The following VWF variants were observed in gnomAD, a reference collection of about 807,000 sequenced individuals.
The protein encoded by VWF is von Willebrand factor.
In VWF, 176 loss-of-function variants were observed where a neutral mutation model predicts 308.6. The ratio of observed to expected loss-of-function variants is 0.57; its 90% CI spans 0.50 to 0.65. VWF has a LOEUF of 0.65. Among genes scored for constraint, VWF ranks in the 30% least tolerant of loss-of-function variants. VWF has a pLI of 0.00. For synonymous variants in VWF, 1,385 were observed against 1,443.4 expected (o/e 0.96, Z 0.92); for missense variants, 3,146 against 3,648.2 (o/e 0.86, Z 3.55).
intron 43 of VWF, among the ~76,000 whole-genome samples, chr12:5,975,123 G>A (rs532788204): frequency 6.6e-6 from 1 of 152,312 alleles, no homozygotes; most frequent in South Asian, 2.1e-4. Flanking sequence ...CAAAGGTACT[G>A]AGCACCTCCG....
rs1009808532 is a variant in VWF, at chr12:6,018,926, C to T, written c.4492G>A (p.Asp1498Asn). 1.2e-5 allele frequency: 19 copies of T among 1,613,844 alleles called. No individual in the cohort carries two copies. The highest frequency in any genetic ancestry group is 1.5e-5 in the Non-Finnish European group (18 of 1,179,860). The change falls in exon 28 of 52, where the codon GAT (aspartate) becomes AAT (asparagine). Residue 1498 changes from aspartate (D) to asparagine (N), a missense_variant. This residue lies in a region of VWF where 853 missense variants were observed against 1,177.8 expected (regional missense o/e 0.72). Coordinates refer to ENST00000261405, the MANE Select transcript of VWF (RefSeq NM_000552.5). ...LGPKRNSMVL[D>N]VAFVLEGSDK... ...GATCCTTCCAGGACGAACGCCACAT[C>T]CAGAACCATGGAGTTCCTCTTGGGC...
At chr12:6,114,909 T>A (rs1945346540) in intron 3 of VWF, among the ~76,000 whole-genome samples, 1 of 151,528 alleles carries the variant, frequency 6.6e-6, no homozygotes, top group East Asian at 1.9e-4. Context: ...GGGGCAGGAG[T>A]GGGGCTGCAT....
intron 12 of VWF, among the ~76,000 whole-genome samples, 159 bp downstream of exon 12, chr12:6,064,087 A>T (rs1944685450): frequency 6.6e-6 from 1 of 152,184 alleles, no homozygotes; most frequent in African/African-American, 2.4e-5. Flanking sequence ...GGAGGGATGC[A>T]TGCCAAGCAC....
At chr12:5,985,705 C>A in intron 38 of VWF, 40 bp from the exon 39 acceptor site, 1 of 1,588,972 alleles carries the variant, frequency 6.3e-7, no homozygotes, top group Non-Finnish European at 8.6e-7. Context: ...ACAGGACATT[C>A]TAGGTACGAA....
In VWF at chr12:5,981,922, C is replaced by T. The variant is rs150201871; in HGVS notation, c.7151G>A (p.Arg2384Gln). ...ATACTCATCACAGCACTGGGTCTTC[C>T]GAAGGGTGGGCAAACGGTGCGGGGG... ...SCPPHRLPTL[R>Q]KTQCCDEYEC... The change falls in exon 42 of 52, where the codon CGG becomes CAG. Residue 2384 changes from arginine (R) to glutamine (Q), a missense_variant. Transcript: ENST00000261405. 4.3e-5 allele frequency: 69 copies of T among 1,608,938 alleles called. No individual in the cohort carries two copies. Among genetic ancestry groups the T allele is most frequent in the African/African-American group, 3.8e-4 (28 of 73,724 alleles).
chr12:5,998,482 AAAAAAAAAAAAAAAAAATATATATATAT>A (rs1156554694), intron 34 of VWF, among the ~76,000 whole-genome samples: 4 of 58,194 alleles, frequency 6.9e-5, no homozygotes, highest in African/African-American at 3.2e-4. Flanking sequence ...AAAAAAAAAA[AAAAAAAAAAAAAAAAAATATATATATAT>A]ATATATATAT....
rs1261422170 is a variant in VWF, at chr12:6,064,328, G to T, written c.1350C>A (p.Gly450=). 5 of 1,614,158 alleles carry T rather than the reference G, an allele frequency of 3.1e-6. No individual in the cohort carries two copies. Among genetic ancestry groups the T allele is most frequent in the South Asian group, 1.1e-5 (1 of 91,084 alleles). ...TCAGTTTCACAAGGCTGTTGTGCAG[G>T]CCAGGCAGCCGGACGGTGACGGAGC... ...CTRSVTVRLP[G]LHNSLVKLKH... is the part of the protein sequence containing the mutation. Residue 450 remains glycine (G), a synonymous_variant, in exon 12 of 52, where the codon GGC becomes GGA. Coordinates refer to ENST00000261405, the MANE Select transcript of VWF (RefSeq NM_000552.5).
chr12:6,108,719 C>A (rs935820149), intron 5 of VWF, among the ~76,000 whole-genome samples: 2 of 152,004 alleles, frequency 1.3e-5, no homozygotes, highest in African/African-American at 4.8e-5. Context: ...CAGTGGCTCA[C>A]ACCTGTAAGC....
At chr12:5,975,997 C>G in intron 43 of VWF, 114 bp downstream of exon 43, 1 of 1,454,722 alleles carries the variant, frequency 6.9e-7, no homozygotes, top group Non-Finnish European at 9.3e-7. Context: ...GCCTGGGCGA[C>G]AGAGCGAGTC....
chr12:6,036,556 C>T (rs1412363554), intron 18 of VWF, 65 bp from the exon 19 acceptor site: 13 of 1,472,324 alleles, frequency 8.8e-6, no homozygotes, highest in Admixed American at 3.5e-5. Context: ...TCCTCCAGCC[C>T]GCTCCAGGAA....
At chr12:5,996,363 A>G (rs1160410127) in intron 34 of VWF, 141 bp from the exon 35 acceptor site, 5 of 768,048 alleles carry the variant, frequency 6.5e-6, no homozygotes, top group Non-Finnish European at 1.1e-5. Flanking sequence ...CATATAGAAC[A>G]ATTTCCTCCT....
Position 6,043,995 on chromosome 12 carries a change from G to A in VWF, c.2442+296C>T, listed in dbSNP as rs1026875960. On this transcript the variant is annotated intron_variant, in intron 18 of 51. Coordinates refer to ENST00000261405, the MANE Select transcript of VWF (RefSeq NM_000552.5). The stretch of plus-strand genomic sequence containing the variant: ...TGGGAATGCTTGTTTTTACTAGTAC[G>A]TATTTTCTGGAAATTCTTTGCTTCC... Among the ~76,000 whole-genome samples, 4 of 152,144 alleles carry A rather than the reference G, an allele frequency of 2.6e-5. No homozygotes were observed. The South Asian group carries it at 6.2e-4, about 24-fold the overall frequency.
At chr12:6,073,886 G>A (rs1944809858) in intron 7 of VWF, 145 bp from the exon 8 acceptor site, 6 of 1,289,428 alleles carry the variant, frequency 4.7e-6, no homozygotes, top group Admixed American at 2.0e-5. Context: ...CACCCCCAGT[G>A]AGCCACGTGC....
chr12:6,078,939 T>A (rs1445808832), intron 6 of VWF, among the ~76,000 whole-genome samples: 2 of 152,070 alleles, frequency 1.3e-5, no homozygotes, highest in Non-Finnish European at 2.9e-5. Flanking sequence ...GCAAGAAGGG[T>A]GTTTCTGATG....
At chr12:6,084,357 C>A (rs1029362945) in intron 6 of VWF, among the ~76,000 whole-genome samples, 2 of 152,236 alleles carry the variant, frequency 1.3e-5, no homozygotes, top group African/African-American at 4.8e-5. Context: ...TGTCTTCTTT[C>A]AACTCCTGTC....
intron 16 of VWF, among the ~76,000 whole-genome samples, chr12:6,048,873 T>C (rs1241021398): frequency 6.6e-6 from 1 of 152,198 alleles, no homozygotes; most frequent in African/African-American, 2.4e-5. Context: ...ACCCGTGCCT[T>C]CTTCTGGTTT....
At chr12:5,950,338 C>G (rs1284693680) in intron 50 of VWF, among the ~76,000 whole-genome samples, 1 of 152,132 alleles carries the variant, frequency 6.6e-6, no homozygotes, top group Non-Finnish European at 1.5e-5. Context: ...GATGTAAGGG[C>G]ATACCCTGCC....
Position 6,024,438 on chromosome 12 carries a change from A to G in VWF, c.3223-651T>C, listed in dbSNP as rs1037303619. ...TTTCCAAGACGTTCCAACAGTCTCA[A>G]TGTCCCCAACTCCTCCCCTGTCCTC... On this transcript the variant is annotated intron_variant, in intron 24 of 51. Coordinates refer to ENST00000261405, the MANE Select transcript of VWF (RefSeq NM_000552.5). This position sits in a 1 kb window ranked among gnomAD's most constrained non-coding sequence, Gnocchi z 4.0. Among the ~76,000 whole-genome samples, 53 of 152,206 alleles carry G rather than the reference A, an allele frequency of 3.5e-4. 1 individual carries two copies. The highest frequency in any genetic ancestry group is 3.9e-4 in the Admixed American group (6 of 15,284).
chr12:6,041,992 C>T (rs117068706), intron 18 of VWF, among the ~76,000 whole-genome samples: 1 of 152,274 alleles, frequency 6.6e-6, no homozygotes, highest in Non-Finnish European at 1.5e-5. Flanking sequence ...TTCTGTAGAA[C>T]TCTCTGGCTT....
Sources: gnomAD v4.1 joint callset for allele counts (sites outside exome capture counted in the v4.1 genomes callset) on GRCh38, gnomAD v4.1.1 for gene constraint, gnomAD v4.1.1 regional missense constraint, Gnocchi (gnomAD v3.1) non-coding constraint, MANE v1.5 for transcripts, NCBI Gene and HGNC (gene_info 2026-07-23, HGNC 2026-07-21) for gene names.